OSBPL10: variants seen among roughly 807,000 people sequenced by gnomAD.
OSBPL10 encodes oxysterol binding protein like 10, also known as oxysterol-binding protein-related protein 10.
Under a neutral mutation model 81.7 loss-of-function variants are expected in OSBPL10, and 49 were observed. That is an observed-to-expected ratio of 0.60 (90% CI 0.48 to 0.76). The LOEUF is 0.76. Ranked by LOEUF, OSBPL10 falls within the 30% of genes least tolerant of loss-of-function variation. The pLI, the probability that OSBPL10 is intolerant of heterozygous loss-of-function variation, is 0.00. For synonymous variants in OSBPL10, 419 were observed against 383.6 expected (o/e 1.09, Z -1.08); for missense variants, 923 against 987.8 (o/e 0.93, Z 0.88).
intron 3 of OSBPL10, among the ~76,000 whole-genome samples, 170 bp from the exon 4 acceptor site, chr3:31,830,401 C>T (rs1700211367): frequency 6.6e-6 from 1 of 152,218 alleles, no homozygotes; most frequent in Non-Finnish European, 1.5e-5. Context: ...CAGATACTCA[C>T]TGAACTGCCC....
chr3:31,954,934 A>C (rs1697964622), intron 1 of OSBPL10, among the ~76,000 whole-genome samples: 1 of 152,214 alleles, frequency 6.6e-6, no homozygotes, highest in Non-Finnish European at 1.5e-5. Context: ...AGGTATAATA[A>C]AATGTCAGTT....
At chr3:31,970,918 C>G (rs552913331) in intron 1 of OSBPL10, among the ~76,000 whole-genome samples, 14 of 152,310 alleles carry the variant, frequency 9.2e-5, no homozygotes, top group African/African-American at 3.4e-4. Context: ...TTTGTACTCA[C>G]AGAGCCTTCT....
intron 1 of OSBPL10, among the ~76,000 whole-genome samples, chr3:31,951,074 G>A (rs900855490): frequency 2.3e-4 from 35 of 152,204 alleles, no homozygotes; most frequent in African/African-American, 7.7e-4. Context: ...TCTTGCGTGT[G>A]TGTACTGGGA....
At chr3:31,873,139 A>G (rs1416334759) in intron 3 of OSBPL10, among the ~76,000 whole-genome samples, 2 of 152,166 alleles carry the variant, frequency 1.3e-5, no homozygotes, top group Non-Finnish European at 2.9e-5. Flanking sequence ...TCGACTCTAT[A>G]TATTTGTCAA....
rs114010959 is a variant in OSBPL10, at chr3:31,937,580, T to C, written c.281+43319A>G. Among the ~76,000 whole-genome samples the C allele has an allele frequency of 1.8e-3, 281 of 151,964 alleles. 2 individuals carry two copies. The highest frequency in any genetic ancestry group is 6.1e-3 in the African/African-American group (254 of 41,450). On this transcript the variant is annotated intron_variant, in intron 1 of 11. Transcript: ENST00000396556. ...TCATGCCTTTCAGTCCTGTCCAAAG[T>C]TCAAGCCCCTTCCTGCCCCCAGACC...
At chr3:31,662,536 C>G (rs757362970) in intron 11 of OSBPL10, 12 of 1,002,718 alleles carry the variant, frequency 1.2e-5, no homozygotes, top group Non-Finnish European at 1.4e-5. Context: ...CTCCAGCAGG[C>G]AGTAGTCACA....
At chr3:31,910,925 A>C (rs1275979927) in intron 1 of OSBPL10, among the ~76,000 whole-genome samples, 2 of 152,202 alleles carry the variant, frequency 1.3e-5, no homozygotes, top group African/African-American at 4.8e-5. Flanking sequence ...GTAACCCAGC[A>C]GGCTGTCTTC....
At chr3:31,790,134 G>A (rs765294078) in intron 4 of OSBPL10, among the ~76,000 whole-genome samples, 8 of 152,264 alleles carry the variant, frequency 5.3e-5, no homozygotes, top group South Asian at 4.2e-4. Context: ...AGACATGACC[G>A]ATAAACACAT....
At chr3:31,962,079 T>G (rs1382334086) in intron 1 of OSBPL10, among the ~76,000 whole-genome samples, 1 of 152,054 alleles carries the variant, frequency 6.6e-6, no homozygotes, top group South Asian at 2.1e-4. Context: ...CTCAGCCTCC[T>G]GGGTAGCTGG....
chr3:31,769,454 A>AAC (rs1172862356), intron 4 of OSBPL10, among the ~76,000 whole-genome samples: 2 of 86,948 alleles, frequency 2.3e-5, no homozygotes, highest in Admixed American at 1.3e-4. Context: ...TCAAAAAAAA[A>AAC]AAAACAAAAA....
intron 4 of OSBPL10, among the ~76,000 whole-genome samples, chr3:31,815,395 G>A (rs373426565): frequency 3.9e-5 from 6 of 152,202 alleles, no homozygotes; most frequent in African/African-American, 1.4e-4. Flanking sequence ...TAGATAATCA[G>A]GGCAGCTTAT....
intron 5 of OSBPL10, among the ~76,000 whole-genome samples, chr3:31,737,722 T>C (rs140397131): frequency 4.6e-5 from 7 of 152,264 alleles, no homozygotes; most frequent in African/African-American, 1.7e-4. Flanking sequence ...CTGGGTGCAG[T>C]GGCTCATTCC....
chr3:31,969,844 G>A (rs999675119), intron 1 of OSBPL10, among the ~76,000 whole-genome samples: 5 of 146,878 alleles, frequency 3.4e-5, no homozygotes, highest in African/African-American at 1.3e-4. Context: ...GACAAAGCGA[G>A]ACTCCGTCTC....
At chr3:32,069,528 C>T (rs1446594016) in intron 1 of OSBPL10, among the ~76,000 whole-genome samples, 1 of 152,204 alleles carries the variant, frequency 6.6e-6, no homozygotes, top group East Asian at 1.9e-4. Flanking sequence ...TCATGGCCCG[C>T]TTAACAGCAA....
chr3:31,722,873 T>A (rs1456721851), intron 6 of OSBPL10, among the ~76,000 whole-genome samples: 1 of 152,154 alleles, frequency 6.6e-6, no homozygotes, highest in East Asian at 1.9e-4. Context: ...TATTAATTTT[T>A]AAATAACTAT....
chr3:32,041,169 G>A (rs772819729), intron 2 of OSBPL10, among the ~76,000 whole-genome samples: 2 of 152,158 alleles, frequency 1.3e-5, no homozygotes, highest in African/African-American at 2.4e-5. Context: ...GAGAAAAAAT[G>A]AGGGAGGACT....
rs185451421 is a variant in OSBPL10, at chr3:31,886,138, A to C, written c.282-6308T>G. Among the ~76,000 whole-genome samples, 574 of 152,262 alleles carry C rather than the reference A, an allele frequency of 3.8e-3. 4 individuals carry two copies. Among genetic ancestry groups the C allele is most frequent in the African/African-American group, 0.012 (511 of 41,552 alleles). ...GAGAATTACAAACATGCATGAAAAA[A>C]ATCTTTCTTTGAAGCACTCTGCTAG... On this transcript the variant is annotated intron_variant, in intron 1 of 11. Transcript: ENST00000396556.
intron 1 of OSBPL10, among the ~76,000 whole-genome samples, chr3:31,958,702 G>C (rs1698076641): frequency 6.6e-6 from 1 of 152,122 alleles, no homozygotes. Context: ...TCTCACACAA[G>C]AGCCAAGGGT....
chr3:31,826,105 C>G (rs1422289066), intron 4 of OSBPL10, among the ~76,000 whole-genome samples: 16 of 152,176 alleles, frequency 1.1e-4, no homozygotes, highest in Non-Finnish European at 2.9e-5. Context: ...CTCCTAGCCC[C>G]AGTTCCATAA....
Sources: allele counts gnomAD v4.1 joint callset (sites outside exome capture counted in the v4.1 genomes callset), GRCh38; gene constraint gnomAD v4.1.1; transcripts MANE v1.5; gene names NCBI Gene and HGNC (gene_info 2026-07-23, HGNC 2026-07-21).